CERS3: variants seen among roughly 807,000 people sequenced by gnomAD.
CERS3 encodes the protein ceramide synthase 3, also known as LAG1 homolog, ceramide synthase 3.
A neutral mutation model predicts 50.3 loss-of-function variants in CERS3; 33 were observed. The observed-to-expected ratio is 0.66, with a 90% CI of 0.50 to 0.88. The LOEUF (loss-of-function observed/expected upper bound fraction) is 0.88. Among genes scored for constraint, CERS3 ranks in the 40% least tolerant of loss-of-function variants. CERS3 has a pLI of 0.00. For synonymous variants in CERS3, 176 were observed against 155.2 expected, an observed-to-expected ratio of 1.13 and a Z score of -0.99; for missense variants, 470 against 460.3, an observed-to-expected ratio of 1.02 and a Z score of -0.19.
intron 3 of CERS3, 82 bp from the exon 4 acceptor site, chr15:100,491,013 A>G: frequency 1.2e-6 from 1 of 821,486 alleles, no homozygotes; most frequent in Non-Finnish European, 2.0e-6. Context: ...CTGTAACTTC[A>G]GGTTTCTAAT....
At chr15:100,473,140 A>G (rs1230156952) in intron 8 of CERS3, 88 bp from the exon 9 acceptor site, 2 of 1,341,108 alleles carry the variant, frequency 1.5e-6, no homozygotes, top group Admixed American at 4.4e-5. Flanking sequence ...TAATGAGACC[A>G]ATAACTTACA....
rs1226168535 is a variant in CERS3, at chr15:100,467,761, C to A, written c.845+1617G>T. Among the ~76,000 whole-genome samples the A allele has an allele frequency of 6.6e-5, 8 of 120,602 alleles. 1 individual carries two copies. In the South Asian group the frequency reaches 8.8e-4, roughly 13 times the overall value. 79.1% of individuals were successfully genotyped at this position (120,602 alleles called of 152,430 possible). ...TTGCTATCATTCTCTCTCTCTCTCT[C>A]TCTCTCTCTATATATATATACACAC... is the stretch of plus-strand genomic sequence containing the variant. On this transcript the variant is annotated intron_variant, in intron 10 of 11. Transcript: ENST00000679737.
At position 100,515,396 on chromosome 15, in the gene CERS3, A is replaced by G. The variant is rs186081116; in HGVS notation, c.-2+6271T>C. ...GTGGAGGTAATAAAGACACAATAGC[A>G]CATGGCTTTCCAGGAGGCAGTGCTC... On this transcript the variant is annotated intron_variant, in intron 2 of 11. Transcript: ENST00000679737. Among the ~76,000 whole-genome samples the G allele has an allele frequency of 7.7e-4, 117 of 152,298 alleles. 1 individual carries two copies. Among genetic ancestry groups the G allele is most frequent in the African/African-American group, 2.5e-3 (104 of 41,564 alleles).
intron 11 of CERS3, among the ~76,000 whole-genome samples, chr15:100,448,152 G>A (rs1279891440): frequency 6.6e-6 from 1 of 152,132 alleles, no homozygotes; most frequent in African/African-American, 2.4e-5. Flanking sequence ...GTCCAAAACT[G>A]GAGCAAGTTT....
At chr15:100,451,639 G>A (rs987169522) in intron 11 of CERS3, among the ~76,000 whole-genome samples, 8 of 152,058 alleles carry the variant, frequency 5.3e-5, no homozygotes, top group African/African-American at 9.7e-5. Context: ...CCTGGGAGGC[G>A]GAGCTTGCAG....
At chr15:100,434,379 G>A (rs1050272020) in intron 11 of CERS3, among the ~76,000 whole-genome samples, 8 of 152,156 alleles carry the variant, frequency 5.3e-5, no homozygotes, top group Non-Finnish European at 1.0e-4. Flanking sequence ...TTCCACAGAC[G>A]GCATGCGTGC....
intron 10 of CERS3, among the ~76,000 whole-genome samples, chr15:100,463,593 G>A (rs891525533): frequency 6.6e-6 from 1 of 152,132 alleles, no homozygotes; most frequent in Admixed American, 6.6e-5. Context: ...CATAAAGAAG[G>A]TACCAAGCAC....
intron 3 of CERS3, among the ~76,000 whole-genome samples, chr15:100,491,236 CG>C (rs1451522266): frequency 2.0e-5 from 3 of 151,862 alleles, no homozygotes; most frequent in African/African-American, 7.3e-5. Context: ...TAAAGACTCC[CG>C]GGGATTAAAA....
At chr15:100,471,426 G>A (rs144080930) in intron 9 of CERS3, among the ~76,000 whole-genome samples, 171 of 152,286 alleles carry the variant, frequency 1.1e-3, no homozygotes, top group Middle Eastern at 6.8e-3. Flanking sequence ...GGGTGGCAGG[G>A]CAACCCCGTG....
intron 11 of CERS3, chr15:100,425,982 C>G (rs973248493): frequency 5.3e-5 from 8 of 152,330 alleles, no homozygotes; most frequent in African/African-American, 1.9e-4. Flanking sequence ...CTCTCTTCCT[C>G]CTACTCCAGC....
intron 11 of CERS3, among the ~76,000 whole-genome samples, chr15:100,454,133 G>A (rs895980030): frequency 6.6e-6 from 1 of 152,182 alleles, no homozygotes. Context: ...CCTCACACCT[G>A]TAATTCCAGT....
intron 3 of CERS3, among the ~76,000 whole-genome samples, chr15:100,497,400 T>C (rs954503585): frequency 2.9e-4 from 44 of 151,932 alleles, no homozygotes; most frequent in African/African-American, 8.2e-4. Context: ...GATAAATAAT[T>C]GAATTAGTTC....
intron 11 of CERS3, among the ~76,000 whole-genome samples, chr15:100,447,789 G>A (rs1161043283): frequency 2.0e-5 from 3 of 152,104 alleles, no homozygotes; most frequent in Non-Finnish European, 2.9e-5. Context: ...GTTAGTTGCC[G>A]GTAGATGAAC....
At chr15:100,405,446 C>G (rs1469466252) in intron 11 of CERS3, among the ~76,000 whole-genome samples, 1 of 152,056 alleles carries the variant, frequency 6.6e-6, no homozygotes. Context: ...CTGGCAATAC[C>G]AAGCACTGAC....
In CERS3 at chr15:100,479,482, A is replaced by G. The variant is rs1282224681; in HGVS notation, c.466-4T>C. ...ATAAGTCATATAGCCAAGGTTTCTG[A>G]AAGAAGAAAAAAAAAAAGAGCCAAC... On this transcript the variant is annotated splice_region_variant and splice_polypyrimidine_tract_variant and intron_variant, in intron 6 of 11. Transcript: ENST00000679737. 1.3e-6 allele frequency: 2 copies of G among 1,591,388 alleles called. No homozygotes were observed. Among genetic ancestry groups the G allele is most frequent in the Non-Finnish European group, 1.7e-6 (2 of 1,173,256 alleles).
At chr15:100,457,165 G>C (rs1183893830) in intron 10 of CERS3, among the ~76,000 whole-genome samples, 2 of 151,980 alleles carry the variant, frequency 1.3e-5, no homozygotes, top group East Asian at 3.9e-4. Context: ...TTCTCTTCCA[G>C]TATTTTCCTA....
intron 5 of CERS3, among the ~76,000 whole-genome samples, chr15:100,482,741 T>TGTTA (rs2035351620): frequency 6.6e-6 from 1 of 152,130 alleles, no homozygotes; most frequent in Admixed American, 6.5e-5. Flanking sequence ...TCCCTCTGGA[T>TGTTA]GTTACAAAGG....
chr15:100,455,501 T>C (rs150694478), intron 11 of CERS3, among the ~76,000 whole-genome samples: 1 of 152,172 alleles, frequency 6.6e-6, no homozygotes, highest in Non-Finnish European at 1.5e-5. Flanking sequence ...ATACTCAAGA[T>C]GATGGATACC....
In CERS3 at chr15:100,412,947, T is replaced by A. The variant is rs7164013; in HGVS notation, c.1000-10082A>T. 9.6e-3 allele frequency among the ~76,000 whole-genome samples: 1,461 copies of A among 152,254 alleles called. 26 individuals are homozygous for A. Among genetic ancestry groups the A allele is most frequent in the African/African-American group, 0.033 (1,369 of 41,560 alleles). The stretch of plus-strand genomic sequence containing the variant: ...AAAGCTACAGGGCTCAGTCCCACCC[T>A]GTAGAGTGATACAGCTTAGTGGCAG... On this transcript the variant is annotated intron_variant, in intron 11 of 11. Coordinates refer to ENST00000679737, the MANE Select transcript of CERS3 (RefSeq NM_001378789.1).
Sources: gnomAD v4.1 joint callset for allele counts (sites outside exome capture counted in the v4.1 genomes callset) on GRCh38, gnomAD v4.1.1 for gene constraint, MANE v1.5 for transcripts, NCBI Gene and HGNC (gene_info 2026-07-23, HGNC 2026-07-21) for gene names.